The following MSR1 variants were observed in gnomAD, a reference collection of about 807,000 sequenced individuals.
MSR1 encodes the protein macrophage scavenger receptor 1, also known as macrophage scavenger receptor types I and II.
In MSR1, 53 loss-of-function variants were observed where a neutral mutation model predicts 47.2. The observed-to-expected ratio is 1.12, with a 90% CI of 0.90 to 1.41. The LOEUF is 1.41. MSR1 is among the 40% of genes most tolerant of loss of function. The probability of loss-of-function intolerance (pLI) is 0.00; values close to 1 mark genes in which losing one functional copy is unlikely to be tolerated. For synonymous variants in MSR1, 239 were observed against 185.6 expected (o/e 1.29, Z -2.34); for missense variants, 786 against 546.9 (o/e 1.44, Z -4.36).
chr8:16,116,559 G>A (rs887881698), intron 9 of MSR1, among the ~76,000 whole-genome samples: 1 of 151,998 alleles, frequency 6.6e-6, no homozygotes, highest in Non-Finnish European at 1.5e-5. Context: ...CTTCACATGA[G>A]ACTAAACTCT....
chr8:16,148,214 T>C (rs1262004782), intron 7 of MSR1, among the ~76,000 whole-genome samples: 1 of 152,172 alleles, frequency 6.6e-6, no homozygotes, highest in Non-Finnish European at 1.5e-5. Flanking sequence ...CCACATGGCA[T>C]TATAGCTAAT....
intron 5 of MSR1, among the ~76,000 whole-genome samples, chr8:16,156,747 AG>A (rs1801022387): frequency 6.6e-6 from 1 of 151,872 alleles, no homozygotes; most frequent in African/African-American, 2.4e-5. Flanking sequence ...AACATGTTAC[AG>A]GGCTTTTAGA....
intron 8 of MSR1, chr8:16,121,103 A>G: frequency 2.5e-6 from 1 of 397,068 alleles, no homozygotes; most frequent in Non-Finnish European, 4.9e-6. Flanking sequence ...ATCTTTTCCC[A>G]AGGGAAACAA....
intron 1 of MSR1, among the ~76,000 whole-genome samples, chr8:16,188,736 T>C (rs1014128167): frequency 3.3e-5 from 5 of 151,950 alleles, no homozygotes; most frequent in African/African-American, 1.2e-4. Flanking sequence ...TGTTCAACTG[T>C]CACTTATGAG....
At chr8:16,168,417 T>A in intron 4 of MSR1, 41 bp downstream of exon 4, 1 of 1,609,656 alleles carries the variant, frequency 6.2e-7, no homozygotes, top group Non-Finnish European at 8.5e-7. Flanking sequence ...CTTGGATGGA[T>A]TCAGTTCCAG....
At chr8:16,122,126 T>C (rs2117065737) in intron 8 of MSR1, among the ~76,000 whole-genome samples, 1 of 152,272 alleles carries the variant, frequency 6.6e-6, no homozygotes, top group East Asian at 1.9e-4. Context: ...AATACTGATT[T>C]AGTGTAAGCA....
intron 2 of MSR1, among the ~76,000 whole-genome samples, chr8:16,176,365 G>C (rs1294337513): frequency 6.6e-6 from 1 of 151,982 alleles, no homozygotes; most frequent in Non-Finnish European, 1.5e-5. Context: ...AAATTAGCCA[G>C]TCATGGTAGC....
intron 9 of MSR1, among the ~76,000 whole-genome samples, chr8:16,116,081 C>G (rs6530943): frequency 0.83 from 126,083 of 152,192 alleles, 53,352 homozygotes; most frequent in South Asian, 0.96. Flanking sequence ...ATAGCGATCT[C>G]ACTCTTTCAA....
Position 16,109,100 on chromosome 8 carries a change from C to G in MSR1, c.*985G>C, listed in dbSNP as rs995590862. On this transcript the variant is annotated 3_prime_UTR_variant, in exon 10 of 10. Coordinates refer to ENST00000262101, the MANE Select transcript of MSR1 (RefSeq NM_138715.3). ...GCCCTGGGGATGGGTTGACTACCAA[C>G]AAAAGGTTGCTAAACTACTTTTTTG... 1 of 151,498 alleles carries G rather than the reference C, an allele frequency of 6.6e-6. No individual in the cohort carries two copies. Among genetic ancestry groups the G allele is most frequent in the East Asian group, 1.9e-4 (1 of 5,150 alleles). 9.4% of individuals were successfully genotyped at this position (151,498 alleles called of 1,614,324 possible). A position where few individuals can be genotyped will look rare whatever the true frequency, so the allele number is the denominator to read the frequency against.
intron 3 of MSR1, among the ~76,000 whole-genome samples, chr8:16,170,849 A>G (rs1397018667): frequency 2.0e-5 from 3 of 152,154 alleles, no homozygotes; most frequent in Non-Finnish European, 2.9e-5. Flanking sequence ...GGTTTTCTCA[A>G]TTTGTAAAAG....
intron 1 of MSR1, among the ~76,000 whole-genome samples, chr8:16,190,573 A>G (rs1802169512): frequency 6.6e-6 from 1 of 152,096 alleles, no homozygotes; most frequent in Non-Finnish European, 1.5e-5. Flanking sequence ...CTGCTTATAC[A>G]TCCCCACAGG....
chr8:16,178,695 G>C (rs991653258), intron 1 of MSR1, among the ~76,000 whole-genome samples: 2 of 152,088 alleles, frequency 1.3e-5, no homozygotes, highest in African/African-American at 4.8e-5. Context: ...CTTCCACAAG[G>C]GTTGAACTAG....
At chr8:16,186,620 C>G (rs531606189) in intron 1 of MSR1, among the ~76,000 whole-genome samples, 21 of 150,466 alleles carry the variant, frequency 1.4e-4, no homozygotes, top group Non-Finnish European at 2.5e-4. Context: ...CCCATCATCC[C>G]TTTCACCGTG....
At chr8:16,154,891 C>A (rs1362132612) in intron 6 of MSR1, among the ~76,000 whole-genome samples, 173 bp downstream of exon 6, 1 of 151,686 alleles carries the variant, frequency 6.6e-6, no homozygotes, top group Admixed American at 6.6e-5. Context: ...AGAACATTTA[C>A]TAATCCCCCA....
rs980134047 is a variant in MSR1, at chr8:16,162,381, T to G, written c.817+1684A>C. On this transcript the variant is annotated intron_variant, in intron 5 of 9. Coordinates refer to ENST00000262101, the MANE Select transcript of MSR1 (RefSeq NM_138715.3). The stretch of plus-strand genomic sequence containing the variant: ...ATCAATTTACTTTCACTAAATGAAC[T>G]TCCAAAAGATATACTTCAGGCAGAA... Among the ~76,000 whole-genome samples, 3 of 152,042 alleles carry G rather than the reference T, an allele frequency of 2.0e-5. No individual in the cohort carries two copies. In the East Asian group the frequency reaches 5.8e-4, roughly 29 times the overall value.
In MSR1 at chr8:16,120,399, A is replaced by G; in HGVS notation, c.1222+19T>C. ...CTGAAACAACAACAACAAACCTCAC[A>G]AGATTTTCTTTAAATTACCTTGTCC... is the stretch of plus-strand genomic sequence containing the variant. On this transcript the variant is annotated intron_variant, in intron 9 of 9. Coordinates refer to ENST00000262101, the MANE Select transcript of MSR1 (RefSeq NM_138715.3). 6.2e-7 allele frequency: 1 copy of G among 1,613,040 alleles called. No homozygotes were observed.
At chr8:16,185,529 T>G (rs1484396165) in intron 1 of MSR1, among the ~76,000 whole-genome samples, 7 of 152,154 alleles carry the variant, frequency 4.6e-5, no homozygotes, top group Non-Finnish European at 1.0e-4. Context: ...GTTAGGAATA[T>G]GCCGGCAAAG....
chr8:16,177,750 A>G (rs768682469), intron 2 of MSR1, 136 bp downstream of exon 2: 6 of 705,344 alleles, frequency 8.5e-6, no homozygotes, highest in Non-Finnish European at 1.5e-5. Context: ...TTCTGTCTCA[A>G]GAATACCCCT....
intron 8 of MSR1, among the ~76,000 whole-genome samples, chr8:16,133,833 G>C (rs1800321405): frequency 6.6e-6 from 1 of 152,130 alleles, no homozygotes; most frequent in Non-Finnish European, 1.5e-5. Flanking sequence ...GTCTGCAGCT[G>C]ATCTGGACAC....
Sources: allele counts gnomAD v4.1 joint callset (sites outside exome capture counted in the v4.1 genomes callset), GRCh38; gene constraint gnomAD v4.1.1; transcripts MANE v1.5; gene names NCBI Gene and HGNC (gene_info 2026-07-23, HGNC 2026-07-21).